ZNF475: variants seen among roughly 807,000 people sequenced by gnomAD.
ZNF475 encodes the protein zinc finger protein 475.
the ZNF475 span, among the ~76,000 whole-genome samples, chr5:122,166,474 T>C: frequency 1.3e-5 from 2 of 152,164 alleles, no homozygotes; most frequent in Non-Finnish European, 2.9e-5. Context: ...TAGGTATATC[T>C]CCTAATGCTA....
the ZNF475 span, among the ~76,000 whole-genome samples, chr5:122,161,663 T>A: frequency 6.6e-6 from 1 of 152,152 alleles, no homozygotes; most frequent in Non-Finnish European, 1.5e-5. Flanking sequence ...ATCTCTTTAA[T>A]TATATGCACT....
the ZNF475 span, among the ~76,000 whole-genome samples, chr5:122,174,902 A>G: frequency 1.3e-5 from 2 of 152,242 alleles, no homozygotes; most frequent in African/African-American, 4.8e-5. Flanking sequence ...AAAAATAGTA[A>G]GAAACATTTA....
At chr5:122,164,605 A>G in the ZNF475 span, among the ~76,000 whole-genome samples, 2 of 152,172 alleles carry the variant, frequency 1.3e-5, no homozygotes, top group African/African-American at 4.8e-5. Context: ...CCAGCAGCCA[A>G]CTACCATTTG....
At chr5:122,182,442 G>GT in the ZNF475 span, 1 of 1,380,030 alleles carries the variant, frequency 7.2e-7, no homozygotes, top group Non-Finnish European at 9.5e-7. Context: ...TTTGTTTTTG[G>GT]TATTTTTTTT....
chr5:122,180,148 A>T, the ZNF475 span: 1 of 152,744 alleles, frequency 6.5e-6, no homozygotes, highest in African/African-American at 2.4e-5. Context: ...CTTGGTGTTC[A>T]TAGAGCAGGG....
At chr5:122,180,517 G>C in the ZNF475 span, among the ~76,000 whole-genome samples, 1 of 152,192 alleles carries the variant, frequency 6.6e-6, no homozygotes, top group African/African-American at 2.4e-5. Context: ...TAGGGTATGA[G>C]AATAGTTAAG....
the ZNF475 span, among the ~76,000 whole-genome samples, chr5:122,175,959 A>G: frequency 2.6e-5 from 4 of 152,010 alleles, no homozygotes; most frequent in African/African-American, 9.7e-5. Context: ...AACTCCTAAC[A>G]ATTTAGCTTT....
At chr5:122,172,928 G>C in the ZNF475 span, among the ~76,000 whole-genome samples, 1 of 152,066 alleles carries the variant, frequency 6.6e-6, no homozygotes, top group Non-Finnish European at 1.5e-5. Flanking sequence ...AGGTACTCGG[G>C]AGGCTGAGGC....
chr5:122,179,555 A>C, the ZNF475 span: 1 of 1,495,232 alleles, frequency 6.7e-7, no homozygotes. Context: ...TGCAGCCAAC[A>C]ATGATACGGC....
the ZNF475 span, among the ~76,000 whole-genome samples, chr5:122,180,346 A>C: frequency 5.9e-5 from 9 of 152,376 alleles, no homozygotes; most frequent in African/African-American, 2.2e-4. Flanking sequence ...CAATGTACTC[A>C]TATCTTTCAA....
chr5:122,161,623 C>T, the ZNF475 span, among the ~76,000 whole-genome samples: 1 of 152,204 alleles, frequency 6.6e-6, no homozygotes, highest in East Asian at 1.9e-4. Context: ...AACCCAATGT[C>T]CAAGTTCAGG....
At chr5:122,175,549 C>T in the ZNF475 span, among the ~76,000 whole-genome samples, 2 of 152,146 alleles carry the variant, frequency 1.3e-5, no homozygotes, top group African/African-American at 4.8e-5. Context: ...CCCCAGAGTG[C>T]ATAATCCCAG....
the ZNF475 span, among the ~76,000 whole-genome samples, chr5:122,168,953 G>C: frequency 6.6e-6 from 1 of 152,106 alleles, no homozygotes; most frequent in African/African-American, 2.4e-5. Context: ...ATGAAGTCTG[G>C]GATCTGGACC....
the ZNF475 span, among the ~76,000 whole-genome samples, chr5:122,164,352 C>T: frequency 6.6e-6 from 1 of 152,172 alleles, no homozygotes; most frequent in African/African-American, 2.4e-5. Context: ...ATTGTGCTGA[C>T]CAAGTAAAAC....
the ZNF475 span, among the ~76,000 whole-genome samples, chr5:122,177,522 A>G: frequency 6.6e-6 from 1 of 152,156 alleles, no homozygotes; most frequent in Non-Finnish European, 1.5e-5. Flanking sequence ...TATAGTACCA[A>G]TATGAAGAAT....
chr5:122,172,121 A>AT, the ZNF475 span, among the ~76,000 whole-genome samples: 1 of 152,070 alleles, frequency 6.6e-6, no homozygotes, highest in Non-Finnish European at 1.5e-5. Flanking sequence ...CAATCTCTAT[A>AT]TTTTTTAGCT....
the ZNF475 span, chr5:122,179,656 A>G: frequency 6.5e-7 from 1 of 1,535,206 alleles, no homozygotes; most frequent in South Asian, 1.2e-5. Flanking sequence ...AAAAAATGGC[A>G]TAATGAAAAC....
chr5:122,170,721 C>T, the ZNF475 span, among the ~76,000 whole-genome samples: 2 of 152,198 alleles, frequency 1.3e-5, no homozygotes, highest in African/African-American at 4.8e-5. Flanking sequence ...GCCCCTCTTC[C>T]CTCCTCAGAG....
the ZNF475 span, among the ~76,000 whole-genome samples, chr5:122,167,173 A>G: frequency 6.6e-6 from 1 of 152,224 alleles, no homozygotes; most frequent in Non-Finnish European, 1.5e-5. Flanking sequence ...TTATGTTTCA[A>G]ACAGACAAGA....
Sources: allele counts gnomAD v4.1 joint callset (sites outside exome capture counted in the v4.1 genomes callset), GRCh38; gene constraint gnomAD v4.1.1; transcripts MANE v1.5; gene names NCBI Gene and HGNC (gene_info 2026-07-23, HGNC 2026-07-21).